MYO16: variants seen among roughly 807,000 people sequenced by gnomAD.
MYO16 encodes unconventional myosin-XVI.
In MYO16, 94 loss-of-function variants were observed where a neutral mutation model predicts 205.3. The ratio of observed to expected loss-of-function variants is 0.46; its 90% CI spans 0.39 to 0.54. The LOEUF is 0.54. MYO16 is among the 20% of genes least tolerant of loss of function. The probability of loss-of-function intolerance (pLI) is 0.00; values close to 1 mark genes in which losing one functional copy is unlikely to be tolerated. For synonymous variants in MYO16, 988 were observed against 954.0 expected, an observed-to-expected ratio of 1.04 and a Z score of -0.66; for missense variants, 2,315 against 2,387.5, an observed-to-expected ratio of 0.97 and a Z score of 0.63.
At chr13:108,671,411 T>C (rs979373583) in intron 2 of MYO16, among the ~76,000 whole-genome samples, 2 of 152,162 alleles carry the variant, frequency 1.3e-5, no homozygotes, top group South Asian at 2.1e-4. Context: ...TTTCTGAAGA[T>C]ATCGGAGGGA....
chr13:108,628,016 A>C (rs1010909843), upstream of MYO16, among the ~76,000 whole-genome samples: 29 of 152,214 alleles, frequency 1.9e-4, no homozygotes, highest in Admixed American at 1.6e-3. Context: ...TATTTTATGC[A>C]CATGTAAAGA....
the MYO16 span, among the ~76,000 whole-genome samples, chr13:108,567,322 T>C: frequency 6.6e-6 from 1 of 152,180 alleles, no homozygotes; most frequent in Non-Finnish European, 1.5e-5. Flanking sequence ...ATACTAACTT[T>C]AGAGCTTGGA....
chr13:108,886,788 C>T (rs1383540603), intron 13 of MYO16, among the ~76,000 whole-genome samples: 2 of 152,258 alleles, frequency 1.3e-5, no homozygotes, highest in South Asian at 4.2e-4. Context: ...TCGGGGGACC[C>T]TTCCCTGACT....
intron 22 of MYO16, among the ~76,000 whole-genome samples, chr13:109,012,690 G>A (rs1239589898): frequency 2.0e-5 from 3 of 151,874 alleles, no homozygotes; most frequent in Admixed American, 6.6e-5. Flanking sequence ...TCCATATGTG[G>A]GGGATGGAAG....
intron 1 of MYO16, among the ~76,000 whole-genome samples, chr13:108,658,277 C>T (rs1926536): frequency 0.043 from 6,512 of 151,928 alleles, 167 homozygotes; most frequent in Middle Eastern, 0.14. Context: ...GTTCATTTTC[C>T]ACTTCTTCTT....
chr13:109,126,770 T>C (rs1876270920), intron 30 of MYO16, among the ~76,000 whole-genome samples: 1 of 152,082 alleles, frequency 6.6e-6, no homozygotes, highest in African/African-American at 2.4e-5. Flanking sequence ...AAGAGAGTAA[T>C]GGGGAGAAGG....
At chr13:108,627,486 A>G (rs945028770), upstream of MYO16, among the ~76,000 whole-genome samples, 2 of 152,086 alleles carry the variant, frequency 1.3e-5, no homozygotes, top group Non-Finnish European at 2.9e-5. Context: ...GATTGTCTCT[A>G]TTTCATCTGA....
At chr13:108,773,655 G>C (rs1886037395) in intron 4 of MYO16, among the ~76,000 whole-genome samples, 1 of 152,146 alleles carries the variant, frequency 6.6e-6, no homozygotes, top group South Asian at 2.1e-4. Flanking sequence ...CATCTGCAGT[G>C]ATCCTATTTC....
At chr13:108,596,571 G>C (rs1487489998) in intron 1 of MYO16, among the ~76,000 whole-genome samples, 1 of 152,104 alleles carries the variant, frequency 6.6e-6, no homozygotes, top group East Asian at 1.9e-4. Context: ...TTTTTTTCAG[G>C]TATAAATGCT....
At chr13:108,956,905 G>T (rs898842310) in intron 16 of MYO16, among the ~76,000 whole-genome samples, 3 of 151,998 alleles carry the variant, frequency 2.0e-5, no homozygotes, top group Non-Finnish European at 4.4e-5. Flanking sequence ...GCTTGGTATT[G>T]CCTGTATTAG....
chr13:109,038,301 T>C (rs950797066), intron 23 of MYO16, among the ~76,000 whole-genome samples: 13 of 152,136 alleles, frequency 8.5e-5, no homozygotes, highest in African/African-American at 3.1e-4. Context: ...AGTAGACTGA[T>C]TAAGCTGTTG....
At chr13:109,040,421 TAAAAAC>T (rs1254031173) in intron 23 of MYO16, among the ~76,000 whole-genome samples, 1 of 79,712 alleles carries the variant, frequency 1.3e-5, no homozygotes, top group Non-Finnish European at 2.6e-5. Context: ...GAGAGAAAAT[TAAAAAC>T]AAAAAACATC....
chr13:108,908,245 A>C (rs1881083879), intron 15 of MYO16, among the ~76,000 whole-genome samples: 1 of 152,144 alleles, frequency 6.6e-6, no homozygotes, highest in Non-Finnish European at 1.5e-5. Context: ...TCACCAATGA[A>C]AGGAATATTT....
the MYO16 span, among the ~76,000 whole-genome samples, chr13:108,537,825 A>G: frequency 1.3e-5 from 2 of 151,802 alleles, no homozygotes; most frequent in Non-Finnish European, 2.9e-5. Flanking sequence ...ATGTCTGTTC[A>G]TGTCCTTTGC....
At chr13:108,958,081 G>C (rs1041718340) in intron 17 of MYO16, among the ~76,000 whole-genome samples, 1 of 150,720 alleles carries the variant, frequency 6.6e-6, no homozygotes, top group Non-Finnish European at 1.5e-5. Context: ...GTTTCCAAGA[G>C]GGTGGACAAG....
intron 4 of MYO16, among the ~76,000 whole-genome samples, chr13:108,756,203 C>T (rs957587143): frequency 6.6e-6 from 1 of 151,904 alleles, no homozygotes; most frequent in African/African-American, 2.4e-5. Flanking sequence ...ATTTTCTTTT[C>T]TAGACTTATT....
chr13:108,771,807 A>G (rs1414807133), intron 4 of MYO16, among the ~76,000 whole-genome samples: 1 of 151,876 alleles, frequency 6.6e-6, no homozygotes, highest in Non-Finnish European at 1.5e-5. Flanking sequence ...AGGTTTCTCC[A>G]TGTCTTTTCA....
At chr13:108,578,213 T>C in the MYO16 span, among the ~76,000 whole-genome samples, 1 of 152,322 alleles carries the variant, frequency 6.6e-6, no homozygotes, top group East Asian at 1.9e-4. Context: ...TGCATTTGTC[T>C]GAAATGACCT....
At chr13:108,739,433 A>G (rs1884823551) in intron 4 of MYO16, among the ~76,000 whole-genome samples, 1 of 152,146 alleles carries the variant, frequency 6.6e-6, no homozygotes, top group Non-Finnish European at 1.5e-5. Flanking sequence ...TGGGTTGAGA[A>G]TTCTTCTCTT....
Sources: gnomAD v4.1 joint callset for allele counts (sites outside exome capture counted in the v4.1 genomes callset) on GRCh38, gnomAD v4.1.1 for gene constraint, MANE v1.5 for transcripts, NCBI Gene and HGNC (gene_info 2026-07-23, HGNC 2026-07-21) for gene names.